The following PTPRU variants were observed in gnomAD, a reference collection of about 807,000 sequenced individuals.
The protein encoded by PTPRU is receptor-type tyrosine-protein phosphatase U.
PTPRU carries 69 observed loss-of-function variants against 166.3 expected under a neutral mutation model. The observed-to-expected ratio is 0.41, with a 90% confidence interval of 0.34 to 0.51. PTPRU has a LOEUF of 0.51. Among genes scored for constraint, PTPRU ranks in the 20% least tolerant of loss-of-function variants. The pLI is 0.09. For synonymous variants in PTPRU, 793 were observed against 814.0 expected (o/e 0.97, Z 0.44); for missense variants, 1,657 against 2,013.7 (o/e 0.82, Z 3.39).
rs777334010 is a variant in PTPRU at position 29,315,364 on chromosome 1, C to A, written c.3228-8C>A. On this transcript the variant is annotated splice_polypyrimidine_tract_variant and splice_region_variant and intron_variant, in intron 22 of 29. Transcript: ENST00000373779. The surrounding 1 kb of genome is among the most constrained non-coding windows in gnomAD (Gnocchi z 4.5). ...CTCTGACCTGGTCTGGGGCTGCTCT[C>A]TCTCCAGCGCGGGCACCGGCCGCAC... 3 of 1,614,098 alleles carry A rather than the reference C, an allele frequency of 1.9e-6. No homozygotes were observed. The highest frequency in any genetic ancestry group is 2.5e-6 in the Non-Finnish European group (3 of 1,180,030).
chr1:29,285,016 G>A, intron 14 of PTPRU, 147 bp downstream of exon 14: 1 of 1,138,398 alleles, frequency 8.8e-7, no homozygotes, highest in Non-Finnish European at 1.2e-6. Flanking sequence ...TCTACAGATG[G>A]ATCTGAGCTG....
rs768694899 is a variant in PTPRU, at chr1:29,291,952, C to T, written c.2402C>T (p.Thr801Ile). 4 of 1,614,080 alleles carry T rather than the reference C, an allele frequency of 2.5e-6. No individual in the cohort carries two copies. The highest frequency in any genetic ancestry group is 1.3e-5 in the African/African-American group (1 of 74,938). ...ATGAGCGCCGTGGACCGCAGCTTCA[C>T]AGACCAGAGCACCCTGCAGGAGGAC... ...HMMSAVDRSF[T>I]DQSTLQEDER... Residue 801 changes from threonine (T) to isoleucine (I), a missense_variant, in exon 15 of 30, where the codon ACA becomes ATA. Around this residue, in one of 3 missense-constraint regions of PTPRU, gnomAD observed 1,190 missense variants for 1,477.4 expected, o/e 0.81. Coordinates refer to ENST00000373779, the MANE Select transcript of PTPRU (RefSeq NM_133178.4). This position sits in a 1 kb window ranked among gnomAD's most constrained non-coding sequence, Gnocchi z 4.1.
intron 1 of PTPRU, among the ~76,000 whole-genome samples, chr1:29,253,836 C>T (rs997550): frequency 0.75 from 114,223 of 151,620 alleles, 43,285 homozygotes; most frequent in Non-Finnish European, 0.78. Context: ...GCATGGTACA[C>T]ATAAGAGCTG....
At position 29,285,243 on chromosome 1, in the gene PTPRU, G is replaced by C. The variant is rs140579800; in HGVS notation, c.2318+374G>C. Reference sequence around the variant, plus strand: ...CTGCAGACCTTCAGCCAAGGTGTCTGCCCTGCTTATGGGATTGTGCAGTTG... The same window carrying C: ...CTGCAGACCTTCAGCCAAGGTGTCTCCCCTGCTTATGGGATTGTGCAGTTG... On this transcript the variant is annotated intron_variant, in intron 14 of 29. Coordinates refer to ENST00000373779, the MANE Select transcript of PTPRU (RefSeq NM_133178.4). Among the ~76,000 whole-genome samples the C allele has an allele frequency of 1.3e-3, 193 of 152,282 alleles. 1 individual carries two copies. The highest frequency in any genetic ancestry group is 4.3e-3 in the African/African-American group (180 of 41,558).
intron 1 of PTPRU, among the ~76,000 whole-genome samples, chr1:29,251,028 C>T (rs1684520138): frequency 6.6e-6 from 1 of 152,136 alleles, no homozygotes; most frequent in Non-Finnish European, 1.5e-5. Context: ...AAGGTGGAGG[C>T]ACCACTTGAG....
At position 29,236,563 on chromosome 1, in the gene PTPRU, CCGGCTCGCCTCGGGCTG is replaced by C. The variant is rs1683769991; in HGVS notation, c.-81_-65del. The C allele has an allele frequency of 9.2e-7, 1 of 1,081,862 alleles. No individual in the cohort carries two copies. Among genetic ancestry groups the C allele is most frequent in the African/African-American group, 1.7e-5 (1 of 59,844 alleles). The allele number at this position is 1,081,862 out of a possible 1,614,324, so 67.0% of individuals were successfully genotyped here. On this transcript the variant is annotated 5_prime_UTR_variant, in exon 1 of 30. Transcript: ENST00000373779. This position sits in a 1 kb window ranked among gnomAD's most constrained non-coding sequence, Gnocchi z 4.6. ...GCGCCGCTCCGCTCCGGCTCGGGCT[CCGGCTCGCCTCGGGCTG>C]GGCTCGGGCTCCGGGGGCGGCGTCC...
intron 1 of PTPRU, among the ~76,000 whole-genome samples, chr1:29,242,587 T>A (rs768612875): frequency 3.5e-4 from 53 of 152,332 alleles, no homozygotes; most frequent in Non-Finnish European, 7.3e-4. Context: ...AGATTTCAAG[T>A]CCTCAAGAGT....
intron 14 of PTPRU, among the ~76,000 whole-genome samples, chr1:29,290,516 C>T (rs903384247): frequency 3.9e-5 from 6 of 152,240 alleles, no homozygotes; most frequent in African/African-American, 1.4e-4. Flanking sequence ...TTCCTCCTGC[C>T]CCTGTGCTGG....
intron 15 of PTPRU, among the ~76,000 whole-genome samples, chr1:29,298,387 T>G (rs1686989265): frequency 6.6e-6 from 1 of 152,262 alleles, no homozygotes; most frequent in Non-Finnish European, 1.5e-5. Flanking sequence ...TTCCACTTCC[T>G]TCTTTTCCAA....
Position 29,260,593 on chromosome 1 carries a change from C to A in PTPRU, c.851-17C>A. On this transcript the variant is annotated splice_polypyrimidine_tract_variant and intron_variant, in intron 6 of 29. Coordinates refer to ENST00000373779, the MANE Select transcript of PTPRU (RefSeq NM_133178.4). This position sits in a 1 kb window ranked among gnomAD's most constrained non-coding sequence, Gnocchi z 8.3. The stretch of plus-strand genomic sequence containing the variant: ...AGCAGCATCGGTCCGCCTCGCCTCT[C>A]CCCCATCTCCTCGCAGAGCCCCCAA... The A allele has an allele frequency of 6.7e-7, 1 of 1,484,558 alleles. No homozygotes were observed. Among genetic ancestry groups the A allele is most frequent in the South Asian group, 1.4e-5 (1 of 72,766 alleles). 92.0% of individuals were successfully genotyped at this position (1,484,558 alleles called of 1,614,324 possible).
In PTPRU at chr1:29,317,211, C is replaced by A. The variant is rs1448669306; in HGVS notation, c.3514-537C>A. Among the ~76,000 whole-genome samples, 2 of 152,126 alleles carry A rather than the reference C, an allele frequency of 1.3e-5. No homozygotes were observed. Among genetic ancestry groups the A allele is most frequent in the Admixed American group, 6.6e-5 (1 of 15,260 alleles). On this transcript the variant is annotated intron_variant, in intron 24 of 29. Coordinates refer to ENST00000373779, the MANE Select transcript of PTPRU (RefSeq NM_133178.4). The surrounding 1 kb of genome is among the most constrained non-coding windows in gnomAD (Gnocchi z 5.6). ...GGGCGGAGGAGATGCCCCGGAGATC[C>A]AGGTGTGATTCAGTGCCCGGTGCTT...
At chr1:29,313,782 G>A (rs1687774535) in intron 22 of PTPRU, among the ~76,000 whole-genome samples, 1 of 152,178 alleles carries the variant, frequency 6.6e-6, no homozygotes, top group African/African-American at 2.4e-5. Flanking sequence ...TTGAGTATGG[G>A]AGTTCCAGGT....
chr1:29,322,184 C>A (rs989399099), intron 26 of PTPRU, among the ~76,000 whole-genome samples: 7 of 152,196 alleles, frequency 4.6e-5, no homozygotes, highest in Non-Finnish European at 1.0e-4. Context: ...AGGGGAGAGG[C>A]CCAGAGGGAG....
rs1040440432 is a variant in PTPRU at position 29,311,655 on chromosome 1, C to T, written c.2968C>T (p.Arg990Trp). The T allele has an allele frequency of 6.2e-6, 10 of 1,614,016 alleles. No individual in the cohort carries two copies. The highest frequency in any genetic ancestry group is 1.7e-5 in the Admixed American group (1 of 60,004). Residue 990 changes from arginine to tryptophan, a missense_variant, in exon 21 of 30, where the codon CGG becomes TGG. Physicochemically the swap from Arg to Trp is moderately radical, Grantham distance 101 (BLOSUM62 -3). Transcript: ENST00000373779. This position sits in a 1 kb window ranked among gnomAD's most constrained non-coding sequence, Gnocchi z 4.1. Reference protein sequence around the residue: ...LVEVGRVKCSRYWPEDSDTYG... With the variant: ...LVEVGRVKCSWYWPEDSDTYG... Reference sequence around the variant, plus strand: ...GTGGGGCCTCTAGGTGAAATGCTCACGGTACTGGCCGGAGGACTCAGACAC... The same window carrying T: ...GTGGGGCCTCTAGGTGAAATGCTCATGGTACTGGCCGGAGGACTCAGACAC...
Position 29,323,358 on chromosome 1 carries a change from T to C in PTPRU, c.3829-13T>C. 3 of 1,603,874 alleles carry C rather than the reference T, an allele frequency of 1.9e-6. No homozygotes were observed. Among genetic ancestry groups the C allele is most frequent in the South Asian group, 1.1e-5 (1 of 88,820 alleles). ...GCTCTACTCAGCTCTCCCCTCTCCGTGCTTATGCCCAGCCCTGCCTGCAGT... is the reference window on the plus strand; with the variant it reads ...GCTCTACTCAGCTCTCCCCTCTCCGCGCTTATGCCCAGCCCTGCCTGCAGT... On this transcript the variant is annotated splice_polypyrimidine_tract_variant and intron_variant, in intron 26 of 29. Transcript: ENST00000373779.
chr1:29,310,631 G>A, intron 18 of PTPRU, 113 bp from the exon 19 acceptor site: 1 of 1,128,630 alleles, frequency 8.9e-7, no homozygotes, highest in Non-Finnish European at 1.4e-6. Flanking sequence ...ATGTGAGGGA[G>A]CAGTTCCCTG....
Position 29,311,901 on chromosome 1 carries a change from T to A in PTPRU, c.3072+142T>A. The stretch of plus-strand genomic sequence containing the variant: ...AGCAAGGAAGCTACTTGGTCACTGT[T>A]GGCTGGGAGCACTCTAGAAGGGCAG... On this transcript the variant is annotated intron_variant, in intron 21 of 29. Transcript: ENST00000373779. This position sits in a 1 kb window ranked among gnomAD's most constrained non-coding sequence, Gnocchi z 4.1. 2 of 834,142 alleles carry A rather than the reference T, an allele frequency of 2.4e-6. No individual in the cohort carries two copies. Among genetic ancestry groups the A allele is most frequent in the Non-Finnish European group, 3.8e-6 (2 of 520,410 alleles). The allele number at this position is 834,142 out of a possible 1,614,324, so 51.7% of individuals were successfully genotyped here.
At position 29,291,921 on chromosome 1, in the gene PTPRU, C is replaced by T; in HGVS notation, c.2371C>T (p.His791Tyr). 6.2e-7 allele frequency: 1 copy of T among 1,614,200 alleles called. No homozygotes were observed. Among genetic ancestry groups the T allele is most frequent in the Non-Finnish European group, 8.5e-7 (1 of 1,180,034 alleles). ...ATVNYRQEKTHMMSAVDRSFT... is the reference protein window; with the variant it reads ...ATVNYRQEKTYMMSAVDRSFT... The stretch of plus-strand genomic sequence containing the variant: ...CGTCAACTACCGCCAGGAGAAGACA[C>T]ACATGATGAGCGCCGTGGACCGCAG... The change falls in exon 15 of 30, where the codon CAC becomes TAC. Residue 791 changes from histidine (H) to tyrosine (Y), a missense_variant. His to Tyr is a moderately conservative substitution (Grantham distance 83). Coordinates refer to ENST00000373779, the MANE Select transcript of PTPRU (RefSeq NM_133178.4). The surrounding 1 kb of genome is among the most constrained non-coding windows in gnomAD (Gnocchi z 4.1).
intron 15 of PTPRU, 97 bp from the exon 16 acceptor site, chr1:29,303,758 G>A (rs1464544405): frequency 7.7e-6 from 10 of 1,297,674 alleles, no homozygotes; most frequent in Non-Finnish European, 9.6e-6. Flanking sequence ...GCTTGGCATT[G>A]GCTGTGCCTC....
Sources: allele counts gnomAD v4.1 joint callset (sites outside exome capture counted in the v4.1 genomes callset), GRCh38; gene constraint gnomAD v4.1.1; regional missense constraint gnomAD v4.1.1; non-coding constraint Gnocchi (gnomAD v3.1); transcripts MANE v1.5; gene names NCBI Gene and HGNC (gene_info 2026-07-23, HGNC 2026-07-21).